Variants in ZNG1A observed in about 807,000 individuals in gnomAD.
ZNG1A encodes Zn regulated GTPase metalloprotein activator 1A.
At chr9:154,604 C>T in the ZNG1A span, 1 of 817,448 alleles carries the variant, frequency 1.2e-6, no homozygotes, top group Non-Finnish European at 2.0e-6. Context: ...CTTGAAGCAG[C>T]TCAACCTTAT....
the ZNG1A span, among the ~76,000 whole-genome samples, chr9:169,498 T>C: frequency 6.9e-6 from 1 of 145,058 alleles, no homozygotes; most frequent in Non-Finnish European, 1.5e-5. Context: ...AAAGCAGGGT[T>C]TGAGAGGACT....
the ZNG1A span, among the ~76,000 whole-genome samples, chr9:140,238 A>G: frequency 1.3e-5 from 2 of 151,900 alleles, no homozygotes; most frequent in Non-Finnish European, 2.9e-5. Context: ...AGACAGCAGT[A>G]ACCTCTGCAG....
the ZNG1A span, among the ~76,000 whole-genome samples, chr9:177,260 A>C: frequency 1.3e-5 from 2 of 152,180 alleles, no homozygotes; most frequent in Non-Finnish European, 1.5e-5. Flanking sequence ...ACCCATAGGG[A>C]TGCCACTGAA....
the ZNG1A span, among the ~76,000 whole-genome samples, chr9:170,417 G>C: frequency 6.8e-6 from 1 of 148,108 alleles, no homozygotes; most frequent in South Asian, 2.1e-4. Context: ...GTACAGTCTT[G>C]CTCTGTTGCC....
the ZNG1A span, chr9:171,815 C>A: frequency 2.2e-5 from 10 of 462,964 alleles, no homozygotes; most frequent in Admixed American, 7.3e-5. Flanking sequence ...TTATTTTTAA[C>A]AACTTCTGTT....
the ZNG1A span, chr9:135,155 C>A: frequency 0.048 from 71,740 of 1,503,820 alleles, 4,025 homozygotes; most frequent in African/African-American, 0.18. Flanking sequence ...TCTGTAATTG[C>A]AATTTTACAA....
chr9:176,295 AAAAT>A, the ZNG1A span, among the ~76,000 whole-genome samples: 1 of 142,038 alleles, frequency 7.0e-6, no homozygotes, highest in African/African-American at 2.7e-5. Context: ...CAGTAGAAAA[AAAAT>A]AGTCTTGTGA....
the ZNG1A span, chr9:121,693 A>C: frequency 8.2e-7 from 1 of 1,224,702 alleles, no homozygotes; most frequent in African/African-American, 1.5e-5. Context: ...AAAGAATAGT[A>C]ATTGAGTGAT....
At chr9:161,260 G>A in the ZNG1A span, among the ~76,000 whole-genome samples, 3 of 151,840 alleles carry the variant, frequency 2.0e-5, no homozygotes, top group East Asian at 5.8e-4. Context: ...CTTGAGGTCA[G>A]GAGTTCATGA....
At chr9:169,671 C>T in the ZNG1A span, among the ~76,000 whole-genome samples, 1 of 149,244 alleles carries the variant, frequency 6.7e-6, no homozygotes, top group East Asian at 1.9e-4. Context: ...TAACTACTAC[C>T]CTGATTGGTC....
the ZNG1A span, among the ~76,000 whole-genome samples, chr9:145,033 A>G: frequency 2.3e-4 from 34 of 146,306 alleles, no homozygotes; most frequent in African/African-American, 8.3e-4. Context: ...CAATCATTAA[A>G]AAGTCAGGAA....
At chr9:159,438 A>AC in the ZNG1A span, among the ~76,000 whole-genome samples, 1 of 151,880 alleles carries the variant, frequency 6.6e-6, no homozygotes, top group African/African-American at 2.4e-5. Context: ...TGTTCTTACC[A>AC]CCCCCTCTCA....
the ZNG1A span, among the ~76,000 whole-genome samples, chr9:131,395 T>A: frequency 6.6e-6 from 1 of 150,574 alleles, no homozygotes; most frequent in Admixed American, 6.6e-5. Context: ...TTTCTACTTT[T>A]TTGCAAACAA....
At chr9:162,906 C>A in the ZNG1A span, among the ~76,000 whole-genome samples, 1 of 151,802 alleles carries the variant, frequency 6.6e-6, no homozygotes, top group Non-Finnish European at 1.5e-5. Context: ...AAGAATGAGA[C>A]ATCTTAAGGT....
At chr9:170,349 G>C in the ZNG1A span, among the ~76,000 whole-genome samples, 7 of 138,820 alleles carry the variant, frequency 5.0e-5, no homozygotes. Context: ...GTGTGTGTGT[G>C]TATGAATGTG....
chr9:165,051 T>C, the ZNG1A span, among the ~76,000 whole-genome samples: 25 of 152,362 alleles, frequency 1.6e-4, no homozygotes, highest in East Asian at 4.0e-3. Flanking sequence ...AGGGGCTGAA[T>C]CAATGTCTGT....
chr9:153,904 A>C, the ZNG1A span: 2 of 152,110 alleles, frequency 1.3e-5, no homozygotes, highest in African/African-American at 4.8e-5. Flanking sequence ...AAAGATAACC[A>C]ATACTAATAG....
the ZNG1A span, among the ~76,000 whole-genome samples, chr9:152,647 T>A: frequency 6.6e-6 from 1 of 152,028 alleles, no homozygotes; most frequent in Non-Finnish European, 1.5e-5. Flanking sequence ...GTTCTCCCTC[T>A]TTTGATACTA....
chr9:161,327 G>A, the ZNG1A span, among the ~76,000 whole-genome samples: 29 of 151,450 alleles, frequency 1.9e-4, no homozygotes, highest in African/African-American at 6.6e-4. Flanking sequence ...AATTAGCTGG[G>A]CATGGTGGTG....
Sources: gnomAD v4.1 joint callset for allele counts (sites outside exome capture counted in the v4.1 genomes callset) on GRCh38, gnomAD v4.1.1 for gene constraint, MANE v1.5 for transcripts, NCBI Gene and HGNC (gene_info 2026-07-23, HGNC 2026-07-21) for gene names.